The following ABRAXAS2 variants were observed in gnomAD, a reference collection of about 807,000 sequenced individuals.
ABRAXAS2 encodes the protein BRISC complex subunit Abraxas 2.
Under a neutral mutation model 49.0 loss-of-function variants are expected in ABRAXAS2, and 23 were observed. That is an observed-to-expected ratio of 0.47 (90% CI 0.34 to 0.66). The LOEUF (loss-of-function observed/expected upper bound fraction) is 0.66. Among genes scored for constraint, ABRAXAS2 ranks in the 30% least tolerant of loss-of-function variants. The probability of loss-of-function intolerance (pLI) is 0.01; values close to 1 mark genes in which losing one functional copy is unlikely to be tolerated. For synonymous variants in ABRAXAS2, 168 were observed against 180.2 expected (o/e 0.93, Z 0.54); for missense variants, 443 against 511.9 (o/e 0.87, Z 1.30).
chr10:124,812,886 A>G (rs1382409741), intron 2 of ABRAXAS2, among the ~76,000 whole-genome samples: 2 of 152,160 alleles, frequency 1.3e-5, no homozygotes, highest in African/African-American at 2.4e-5. Flanking sequence ...ACTCTTTGCA[A>G]TAAGGAAGAC....
intron 3 of ABRAXAS2, among the ~76,000 whole-genome samples, chr10:124,816,870 TAATC>T (rs1447239281): frequency 4.6e-5 from 7 of 152,190 alleles, no homozygotes; most frequent in East Asian, 3.8e-4. Flanking sequence ...GAGAAAAAGT[TAATC>T]AACATAAAAT....
intron 1 of ABRAXAS2, among the ~76,000 whole-genome samples, chr10:124,802,722 A>G (rs1950714453): frequency 6.6e-6 from 1 of 152,190 alleles, no homozygotes; most frequent in Admixed American, 6.6e-5. Flanking sequence ...TTGGCCACCA[A>G]ATTGGGGGAT....
intron 4 of ABRAXAS2, among the ~76,000 whole-genome samples, chr10:124,825,345 C>A (rs1184238364): frequency 1.4e-5 from 2 of 147,232 alleles, no homozygotes; most frequent in African/African-American, 5.0e-5. Flanking sequence ...AAAAATTATA[C>A]CCTGAGAGAA....
At chr10:124,810,564 T>C (rs1432644686) in intron 2 of ABRAXAS2, among the ~76,000 whole-genome samples, 2 of 148,322 alleles carry the variant, frequency 1.3e-5, no homozygotes, top group Admixed American at 1.4e-4. Flanking sequence ...ACGGTATAGT[T>C]AGTCTTTCGT....
At position 124,807,135 on chromosome 10, in the gene ABRAXAS2, A is replaced by C. The variant is rs571107512; in HGVS notation, c.163+214A>C. Among the ~76,000 whole-genome samples, 4 of 151,806 alleles carry C rather than the reference A, an allele frequency of 2.6e-5. No homozygotes were observed. In the East Asian group the frequency reaches 7.8e-4, roughly 29 times the overall value. On this transcript the variant is annotated intron_variant, in intron 2 of 8. Transcript: ENST00000298492. ...AGACCATCCTGGCTAACACAGTGAA[A>C]CCTCATCTCTACTAAAAATACAAAA...
chr10:124,829,827 C>T (rs1442033816), intron 7 of ABRAXAS2, among the ~76,000 whole-genome samples: 1 of 152,222 alleles, frequency 6.6e-6, no homozygotes, highest in East Asian at 1.9e-4. Context: ...GCAGCCATAA[C>T]TGGTTGCATC....
chr10:124,832,623 T>G (rs1950940357), intron 8 of ABRAXAS2, among the ~76,000 whole-genome samples: 1 of 152,066 alleles, frequency 6.6e-6, no homozygotes, highest in African/African-American at 2.4e-5. Context: ...GGCAGGCAGA[T>G]CACCTGAGGT....
At chr10:124,816,039 A>G (rs1430291103) in intron 2 of ABRAXAS2, among the ~76,000 whole-genome samples, 1 of 151,786 alleles carries the variant, frequency 6.6e-6, no homozygotes, top group East Asian at 1.9e-4. Context: ...AGTAGCTGAG[A>G]TTACAGGCGC....
intron 3 of ABRAXAS2, among the ~76,000 whole-genome samples, chr10:124,818,691 C>T (rs770041042): frequency 2.0e-4 from 30 of 152,028 alleles, no homozygotes; most frequent in Non-Finnish European, 3.4e-4. Context: ...TTTCCCAAGC[C>T]CATGTCCAGT....
intron 5 of ABRAXAS2, among the ~76,000 whole-genome samples, chr10:124,827,359 C>T (rs1431381362): frequency 6.6e-6 from 1 of 151,696 alleles, no homozygotes; most frequent in Non-Finnish European, 1.5e-5. Flanking sequence ...CGGGGTTTTG[C>T]CCATTTTGGC....
intron 4 of ABRAXAS2, among the ~76,000 whole-genome samples, chr10:124,824,543 A>AAC (rs1950885476): frequency 1.3e-5 from 2 of 152,056 alleles, no homozygotes; most frequent in African/African-American, 4.8e-5. Flanking sequence ...CCAAAAAAAA[A>AAC]AAAAAACAAA....
chr10:124,833,190 A>G (rs1315622907), intron 8 of ABRAXAS2, among the ~76,000 whole-genome samples: 1 of 149,836 alleles, frequency 6.7e-6, no homozygotes, highest in Admixed American at 6.6e-5. Flanking sequence ...AACTAGGCCA[A>G]CCATGGTGGC....
intron 2 of ABRAXAS2, 120 bp downstream of exon 2, chr10:124,807,041 G>T: frequency 2.8e-6 from 2 of 726,192 alleles, no homozygotes; most frequent in Non-Finnish European, 4.5e-6. Context: ...TGCCAGGCGC[G>T]GTGGCTCACG....
intron 7 of ABRAXAS2, among the ~76,000 whole-genome samples, chr10:124,830,973 G>A (rs1950929012): frequency 6.6e-6 from 1 of 151,992 alleles, no homozygotes; most frequent in Non-Finnish European, 1.5e-5. Context: ...TTGAATGTTG[G>A]TAATAAATAA....
chr10:124,811,361 T>A (rs1186803270), intron 2 of ABRAXAS2, among the ~76,000 whole-genome samples: 1 of 152,000 alleles, frequency 6.6e-6, no homozygotes, highest in African/African-American at 2.4e-5. Flanking sequence ...CAGCAAACCA[T>A]GAAAGAAAGA....
In ABRAXAS2 at chr10:124,831,329, G is replaced by A. The variant is rs755076386; in HGVS notation, c.664-20G>A. 10 of 1,486,566 alleles carry A rather than the reference G, an allele frequency of 6.7e-6. No homozygotes were observed. The East Asian group carries it at 1.8e-4, about 27-fold the overall frequency. 92.1% of individuals were successfully genotyped at this position (1,486,566 alleles called of 1,614,324 possible). On this transcript the variant is annotated intron_variant, in intron 7 of 8. Coordinates refer to ENST00000298492, the MANE Select transcript of ABRAXAS2 (RefSeq NM_032182.4). ...TGTGCTTGAACTTGAAGCTAACCTC[G>A]TTGTCATTTTTTTCCTCAGGCAGTG...
chr10:124,815,489 C>G (rs765210658), intron 2 of ABRAXAS2, among the ~76,000 whole-genome samples: 1 of 152,164 alleles, frequency 6.6e-6, no homozygotes. Context: ...CCACTGCGCC[C>G]GGCCTGTGGT....
Position 124,827,612 on chromosome 10 carries a change from A to G in ABRAXAS2, c.458+827A>G, listed in dbSNP as rs191310620. ...GCTGGAAATCATCATTTGCTTCTCC[A>G]TAATCCACTATGTGGAAATGTAGTT... On this transcript the variant is annotated intron_variant, in intron 5 of 8. Coordinates refer to ENST00000298492, the MANE Select transcript of ABRAXAS2 (RefSeq NM_032182.4). Among the ~76,000 whole-genome samples, 18 of 152,310 alleles carry G rather than the reference A, an allele frequency of 1.2e-4. No individual in the cohort carries two copies. The East Asian group carries it at 2.9e-3, about 24-fold the overall frequency.
At chr10:124,802,373 C>T (rs1330803052) in intron 1 of ABRAXAS2, among the ~76,000 whole-genome samples, 1 of 152,216 alleles carries the variant, frequency 6.6e-6, no homozygotes, top group Non-Finnish European at 1.5e-5. Context: ...CCGTGGCTGT[C>T]ACTACTGATA....
Sources: allele counts gnomAD v4.1 joint callset (sites outside exome capture counted in the v4.1 genomes callset), GRCh38; gene constraint gnomAD v4.1.1; transcripts MANE v1.5; gene names NCBI Gene and HGNC (gene_info 2026-07-23, HGNC 2026-07-21).